Variants in NIT2 observed in about 807,000 individuals in gnomAD.
NIT2 encodes omega-amidase NIT2.
NIT2 carries 46 observed loss-of-function variants against 42.7 expected under a neutral mutation model. That is an observed-to-expected ratio of 1.08 (90% CI 0.85 to 1.38). The LOEUF is 1.38. NIT2 is among the 40% of genes most tolerant of loss of function. The pLI, the probability that NIT2 is intolerant of heterozygous loss-of-function variation, is 0.00. For missense variants in NIT2, 309 were observed against 342.5 expected (o/e 0.90, Z 0.77); for synonymous variants, 123 against 121.9 (o/e 1.01, Z -0.06).
chr3:100,342,598 A>G (rs1455409907), intron 4 of NIT2, among the ~76,000 whole-genome samples: 8 of 151,206 alleles, frequency 5.3e-5, no homozygotes, highest in African/African-American at 1.7e-4. Context: ...AAGAGTTCAT[A>G]TTATATCATT....
chr3:100,339,471 A>G (rs1706122873), intron 2 of NIT2, among the ~76,000 whole-genome samples: 1 of 152,202 alleles, frequency 6.6e-6, no homozygotes, highest in Non-Finnish European at 1.5e-5. Context: ...GGACTTACGG[A>G]AAACTAAAAT....
chr3:100,343,645 T>C (rs1269016704), intron 4 of NIT2, among the ~76,000 whole-genome samples: 1 of 152,236 alleles, frequency 6.6e-6, no homozygotes, highest in African/African-American at 2.4e-5. Flanking sequence ...TTAGTTTCTA[T>C]AGCTGCTTTA....
intron 8 of NIT2, 69 bp downstream of exon 8, chr3:100,352,571 G>T: frequency 1.7e-6 from 2 of 1,186,578 alleles, no homozygotes; most frequent in Non-Finnish European, 2.5e-6. Flanking sequence ...TTGGCAGATG[G>T]GTTTTCTGGT....
rs369021422 is a variant in NIT2, at chr3:100,339,097, G to C, written c.18G>C (p.Leu6Phe). 194 of 1,611,634 alleles carry C rather than the reference G, an allele frequency of 1.2e-4. No individual in the cohort carries two copies. The highest frequency in any genetic ancestry group is 1.6e-4 in the Non-Finnish European group (190 of 1,177,876). The change falls in exon 2 of 10, where the codon TTG (leucine) becomes TTC (phenylalanine). Residue 6 changes from leucine (L) to phenylalanine (F), a missense_variant. Coordinates refer to ENST00000394140, the MANE Select transcript of NIT2 (RefSeq NM_020202.5). ...TGTCTTTGTTCTCAGCTTTCCGCTT[G>C]GCCCTCATCCAGCTTCAGATTTCTT... MTSFR[L>F]ALIQLQISSI...
rs757214509 is a variant in NIT2, at chr3:100,346,313, TCTATGTGGGATC to T, written c.505+61_505+72del. The T allele has an allele frequency of 9.5e-6, 14 of 1,469,684 alleles. No homozygotes were observed. In the Admixed American group the frequency reaches 2.4e-4, roughly 26 times the overall value. 91.0% of individuals were successfully genotyped at this position (1,469,684 alleles called of 1,614,324 possible). A position where few individuals can be genotyped will look rare whatever the true frequency, so the allele number is the denominator to read the frequency against. ...GCTTGGAGGCTTGGTTCTAGGCTGG[TCTATGTGGGATC>T]CTTAGTCAAGAAAAGCTGGGAGAGG... On this transcript the variant is annotated intron_variant, in intron 6 of 9. Transcript: ENST00000394140.
In NIT2 at chr3:100,358,450, A is replaced by G. The variant is rs747521927; in HGVS notation, c.*3182A>G. 6.6e-6 allele frequency: 1 copy of G among 152,338 alleles called. No homozygotes were observed. The highest frequency in any genetic ancestry group is 2.1e-4 in the South Asian group (1 of 4,830). The allele number at this position is 152,338 out of a possible 1,614,324, so 9.4% of individuals were successfully genotyped here. A position where few individuals can be genotyped will look rare whatever the true frequency, so the allele number is the denominator to read the frequency against. The stretch of plus-strand genomic sequence containing the variant: ...TTTGCATAATACTTTGAAGTCTGCT[A>G]TCACAAGTTGTGAACCTCTATCTCT... On this transcript the variant is annotated 3_prime_UTR_variant, in exon 10 of 10. Coordinates refer to ENST00000394140, the MANE Select transcript of NIT2 (RefSeq NM_020202.5).
chr3:100,354,725 C>G (rs1365820162), intron 8 of NIT2, 47 bp from the exon 9 acceptor site: 1 of 1,493,434 alleles, frequency 6.7e-7, no homozygotes, highest in South Asian at 1.2e-5. Context: ...CCTTGAATAT[C>G]ACCAAACATC....
chr3:100,352,883 AGGGTGAGGACTTTGCTTCCAG>A (rs1559825934), intron 8 of NIT2, among the ~76,000 whole-genome samples: 1 of 152,226 alleles, frequency 6.6e-6, no homozygotes, highest in Non-Finnish European at 1.5e-5. Flanking sequence ...AATGAGTTAC[AGGGTGAGGACTTTGCTTCCAG>A]CATAATGATC....
At chr3:100,335,126 C>T (rs1326167667) in intron 1 of NIT2, 1 of 386,674 alleles carries the variant, frequency 2.6e-6, no homozygotes, top group Non-Finnish European at 5.1e-6. Context: ...GGATCCAACT[C>T]CCTTGGGTGT....
At chr3:100,348,648 A>T (rs1027136858) in intron 6 of NIT2, among the ~76,000 whole-genome samples, 155 bp from the exon 7 acceptor site, 1 of 152,226 alleles carries the variant, frequency 6.6e-6, no homozygotes, top group Non-Finnish European at 1.5e-5. Context: ...TCAGAGCCAT[A>T]TCTTAATTGC....
chr3:100,337,477 T>G (rs1706091502), intron 1 of NIT2, among the ~76,000 whole-genome samples: 1 of 152,108 alleles, frequency 6.6e-6, no homozygotes, highest in South Asian at 2.1e-4. Context: ...TTTTGGAGAC[T>G]GAGTCTCACT....
chr3:100,345,628 A>G lies in NIT2; in HGVS notation c.380A>G (p.Gln127Arg). 1 of 1,613,188 alleles carries G rather than the reference A, an allele frequency of 6.2e-7. No individual in the cohort carries two copies. Among genetic ancestry groups the G allele is most frequent in the Non-Finnish European group, 8.5e-7 (1 of 1,179,362 alleles). Reference sequence around the variant, plus strand: ...GATGTTCCTGGAAAAATTACATTTCAAGAATCTAAAACATTGAGTCCGGGT... The same window carrying G: ...GATGTTCCTGGAAAAATTACATTTCGAGAATCTAAAACATTGAGTCCGGGT... ...DIDVPGKITF[Q>R]ESKTLSPGDS... Residue 127 changes from glutamine (Q) to arginine (R), a missense_variant, in exon 5 of 10, where the codon CAA (glutamine) becomes CGA (arginine). Gln to Arg is a conservative substitution (Grantham distance 43, BLOSUM62 1). Transcript: ENST00000394140.
Position 100,354,770 on chromosome 3 carries a change from A to AG in NIT2, c.688dup. ...ACTCATTCTCTTCTGCATCTTTTTC[A>AG]GGGGGGAGGTTCTAGCCAAAGCTGG... On this transcript the variant is annotated splice_acceptor_variant, in intron 8 of 9. Transcript: ENST00000394140. LOFTEE classifies it high-confidence loss of function. 8 of 1,605,330 alleles carry AG rather than the reference A, an allele frequency of 5.0e-6. No homozygotes were observed. The highest frequency in any genetic ancestry group is 6.8e-6 in the Non-Finnish European group (8 of 1,175,744).
At chr3:100,335,106 CGCG>C in intron 1 of NIT2, 1 of 440,358 alleles carries the variant, frequency 2.3e-6, no homozygotes, top group Non-Finnish European at 4.4e-6. Context: ...CGGTGTGGGC[CGCG>C]GTGGTAGGAT....
rs1028400258 is a variant in NIT2 at position 100,355,347 on chromosome 3, G to T, written c.*79G>T. 4.2e-5 allele frequency: 48 copies of T among 1,148,686 alleles called. No homozygotes were observed. Among genetic ancestry groups the T allele is most frequent in the Non-Finnish European group, 4.9e-5 (39 of 793,808 alleles). 71.2% of individuals were successfully genotyped at this position (1,148,686 alleles called of 1,614,324 possible). ...TCAACTCCCTATTAAATTCTTTAAT[G>T]AAGATTTTTTTTTTAATTCGGCCTT... On this transcript the variant is annotated 3_prime_UTR_variant, in exon 10 of 10. Coordinates refer to ENST00000394140, the MANE Select transcript of NIT2 (RefSeq NM_020202.5).
At chr3:100,353,160 C>T (rs541956426) in intron 8 of NIT2, among the ~76,000 whole-genome samples, 19 of 152,310 alleles carry the variant, frequency 1.2e-4, no homozygotes, top group African/African-American at 4.3e-4. Context: ...GGTAGAATTA[C>T]AGAGGAAGCG....
At chr3:100,337,188 A>C (rs2148880255) in intron 1 of NIT2, among the ~76,000 whole-genome samples, 3 of 152,358 alleles carry the variant, frequency 2.0e-5, no homozygotes, top group Middle Eastern at 3.4e-3. Flanking sequence ...CAGCATCTCA[A>C]GGCAGAAGAA....
intron 6 of NIT2, among the ~76,000 whole-genome samples, chr3:100,348,505 G>A (rs1322012334): frequency 6.6e-6 from 1 of 152,178 alleles, no homozygotes; most frequent in Non-Finnish European, 1.5e-5. Flanking sequence ...TGAAACTGCT[G>A]CCTGGAATTT....
chr3:100,336,782 A>G (rs1429863966), intron 1 of NIT2, among the ~76,000 whole-genome samples: 1 of 151,992 alleles, frequency 6.6e-6, no homozygotes, highest in African/African-American at 2.4e-5. Context: ...TTGCCCAGGG[A>G]CGGGCAGGAG....
Sources: gnomAD v4.1 joint callset for allele counts (sites outside exome capture counted in the v4.1 genomes callset) on GRCh38, gnomAD v4.1.1 for gene constraint, MANE v1.5 for transcripts, NCBI Gene and HGNC (gene_info 2026-07-23, HGNC 2026-07-21) for gene names.